VIPR1: variants seen among roughly 807,000 people sequenced by gnomAD.
The protein encoded by VIPR1 is vasoactive intestinal polypeptide receptor 1.
In VIPR1, 59 loss-of-function variants were observed where a neutral mutation model predicts 58.8. The ratio of observed to expected loss-of-function variants is 1.00; its 90% CI spans 0.81 to 1.25. The LOEUF (loss-of-function observed/expected upper bound fraction) is 1.25, where lower values mean the gene tolerates loss of function less well. Among genes scored for constraint, VIPR1 ranks in the 50% most tolerant of loss-of-function variants. The pLI, the probability that VIPR1 is intolerant of heterozygous loss-of-function variation, is 0.00. For missense variants in VIPR1, 626 were observed against 602.7 expected, an observed-to-expected ratio of 1.04 and a Z score of -0.40; for synonymous variants, 251 against 242.1, an observed-to-expected ratio of 1.04 and a Z score of -0.34.
At chr3:42,514,481 C>T (rs2267534) in intron 2 of VIPR1, among the ~76,000 whole-genome samples, 26,608 of 151,280 alleles carry the variant, frequency 0.18, 2,832 homozygotes, top group East Asian at 0.35. Context: ...AACTGAGGCC[C>T]ACTCCTCCCT....
intron 1 of VIPR1, among the ~76,000 whole-genome samples, chr3:42,494,503 A>G (rs1699723757): frequency 6.6e-6 from 1 of 152,204 alleles, no homozygotes; most frequent in African/African-American, 2.4e-5. Context: ...TCTCTAGAAA[A>G]GCACCCATTT....
At chr3:42,533,432 G>GC (rs1379905705) in intron 10 of VIPR1, 2 of 138,674 alleles carry the variant, frequency 1.4e-5, no homozygotes. Context: ...GGGGGGGACG[G>GC]GGGGGGCATC....
intron 10 of VIPR1, 165 bp downstream of exon 10, chr3:42,532,498 C>T (rs1701625793): frequency 1.4e-6 from 1 of 711,740 alleles, no homozygotes. Flanking sequence ...CCACCATCCC[C>T]TGCTCCAGCC....
At chr3:42,510,189 C>T (rs140873333) in intron 1 of VIPR1, among the ~76,000 whole-genome samples, 313 of 152,344 alleles carry the variant, frequency 2.1e-3, no homozygotes, top group African/African-American at 6.8e-3. Flanking sequence ...TTCATGCCTC[C>T]ATGCCTGTGC....
intron 1 of VIPR1, among the ~76,000 whole-genome samples, chr3:42,491,961 T>G (rs1241172631): frequency 6.6e-6 from 1 of 152,134 alleles, no homozygotes; most frequent in Non-Finnish European, 1.5e-5. Flanking sequence ...AGGAAGCAAT[T>G]GTGGTGAACA....
chr3:42,506,092 C>T lies in VIPR1; in HGVS notation c.78+3279C>T, dbSNP rs547324046. 8.5e-5 allele frequency among the ~76,000 whole-genome samples: 13 copies of T among 152,336 alleles called. No individual in the cohort carries two copies. In the East Asian group the frequency reaches 1.9e-3, roughly 23 times the overall value. On this transcript the variant is annotated intron_variant, in intron 1 of 12. Coordinates refer to ENST00000325123, the MANE Select transcript of VIPR1 (RefSeq NM_004624.4). The stretch of plus-strand genomic sequence containing the variant: ...AAACTTATACAGCTATTTCTGGCCC[C>T]CATCTTCCCACAGGTTCCCAGGGCA...
In VIPR1 at chr3:42,535,398, A is replaced by T. The variant is rs753641318; in HGVS notation, c.1182+14A>T. ...CTCAATGGTGAGGTAAGCCCCTCCC[A>T]GTCCTTGGGGCTTAGGCAATGGAAC... On this transcript the variant is annotated intron_variant, in intron 12 of 12. Transcript: ENST00000325123. 1.2e-6 allele frequency: 2 copies of T among 1,613,792 alleles called. No individual in the cohort carries two copies. Among genetic ancestry groups the T allele is most frequent in the South Asian group, 2.2e-5 (2 of 91,072 alleles).
chr3:42,532,084 T>A, intron 9 of VIPR1, 158 bp from the exon 10 acceptor site: 4 of 905,142 alleles, frequency 4.4e-6, no homozygotes, highest in Non-Finnish European at 6.9e-6. Flanking sequence ...GGAGGTAGAG[T>A]TCCCGGATGA....
intron 6 of VIPR1, 26 bp from the exon 7 acceptor site, chr3:42,530,753 C>A (rs369288581): frequency 5.8e-5 from 94 of 1,611,286 alleles, no homozygotes; most frequent in Middle Eastern, 4.9e-4. Flanking sequence ...CCCCAGTGAA[C>A]CCCGTCTTTT....
In VIPR1 at chr3:42,510,914, G is replaced by T. The variant is rs570089378; in HGVS notation, c.79-2835G>T. Among the ~76,000 whole-genome samples the T allele has an allele frequency of 1.2e-4, 18 of 152,164 alleles. No homozygotes were observed. The South Asian group carries it at 3.7e-3, about 32-fold the overall frequency. ...CCTCAGAGAGTCGCAAGCAGAAGCT[G>T]CCAGAAATCCTAGGCGCCCATGGTG... On this transcript the variant is annotated intron_variant, in intron 1 of 12. Coordinates refer to ENST00000325123, the MANE Select transcript of VIPR1 (RefSeq NM_004624.4).
Position 42,536,404 on chromosome 3 carries a change from C to T in VIPR1, c.*123C>T, listed in dbSNP as rs1701852303. The T allele has an allele frequency of 9.1e-7, 1 of 1,098,244 alleles. No homozygotes were observed. Among genetic ancestry groups the T allele is most frequent in the South Asian group, 1.7e-5 (1 of 57,994 alleles). The allele number at this position is 1,098,244 out of a possible 1,614,324, so 68.0% of individuals were successfully genotyped here. A position where few individuals can be genotyped will look rare whatever the true frequency, so the allele number is the denominator to read the frequency against. ...CCGGCCCTGGGCTCGGAGGCTGCCC[C>T]CGGCCCCCTGGTCTCTGGTCCGGAC... On this transcript the variant is annotated 3_prime_UTR_variant, in exon 13 of 13. Transcript: ENST00000325123.
At chr3:42,504,069 A>T (rs894960144) in intron 1 of VIPR1, among the ~76,000 whole-genome samples, 2 of 151,922 alleles carry the variant, frequency 1.3e-5, no homozygotes, top group African/African-American at 4.8e-5. Context: ...CATGAGACCC[A>T]CCTCCTGAGC....
Position 42,513,953 on chromosome 3 carries a change from A to T in VIPR1, c.184+99A>T. The stretch of plus-strand genomic sequence containing the variant: ...TCCAAGTCACGTTCGTTCCACATTT[A>T]TTGGATGATGGTGAGGAGCGGCTGG... On this transcript the variant is annotated intron_variant, in intron 2 of 12. Coordinates refer to ENST00000325123, the MANE Select transcript of VIPR1 (RefSeq NM_004624.4). 6.0e-6 allele frequency: 8 copies of T among 1,338,570 alleles called. No individual in the cohort carries two copies. The South Asian group carries it at 9.6e-5, about 16-fold the overall frequency. The allele number at this position is 1,338,570 out of a possible 1,614,324, so 82.9% of individuals were successfully genotyped here. A position where few individuals can be genotyped will look rare whatever the true frequency, so the allele number is the denominator to read the frequency against.
upstream of VIPR1, among the ~76,000 whole-genome samples, chr3:42,500,790 C>G (rs874531): frequency 4.1e-3 from 624 of 152,304 alleles, no homozygotes; most frequent in Admixed American, 7.0e-3. Flanking sequence ...TTCAAACACT[C>G]CCGCCATTGG....
intron 6 of VIPR1, among the ~76,000 whole-genome samples, chr3:42,529,016 G>A (rs972211248): frequency 2.0e-5 from 3 of 152,164 alleles, no homozygotes; most frequent in East Asian, 1.9e-4. Flanking sequence ...AGTCAGACAT[G>A]AGCATTGTGA....
At chr3:42,516,733 A>T (rs1240022358) in intron 2 of VIPR1, 3 of 152,298 alleles carry the variant, frequency 2.0e-5, no homozygotes, top group Non-Finnish European at 4.4e-5. Flanking sequence ...TCCCAGAGAA[A>T]TGACAGGCCT....
intron 1 of VIPR1, among the ~76,000 whole-genome samples, chr3:42,503,662 CA>C (rs1699981040): frequency 6.6e-6 from 1 of 152,170 alleles, no homozygotes; most frequent in South Asian, 2.1e-4. Flanking sequence ...CACTCTAGAA[CA>C]GGGGAGACCT....
rs528498512 is a variant in VIPR1, at chr3:42,496,900, T to G, written c.-245+7222T>G. 2.0e-5 allele frequency among the ~76,000 whole-genome samples: 3 copies of G among 152,320 alleles called. No individual in the cohort carries two copies. In the East Asian group the frequency reaches 5.8e-4, roughly 29 times the overall value. On this transcript the variant is annotated intron_variant, in intron 1 of 13. Transcript: ENST00000433647. ...AACAAACAATCTTTTATTGGATACA[T>G]GGAGTTTTCTTAGTTTCATTTTTCT... is the stretch of plus-strand genomic sequence containing the variant.
chr3:42,493,950 A>T (rs901873542), intron 1 of VIPR1, among the ~76,000 whole-genome samples: 1 of 151,616 alleles, frequency 6.6e-6, no homozygotes, highest in Non-Finnish European at 1.5e-5. Flanking sequence ...TCCAGTCTCA[A>T]CTCCCACCTG....
Sources: allele counts gnomAD v4.1 joint callset (sites outside exome capture counted in the v4.1 genomes callset), GRCh38; gene constraint gnomAD v4.1.1; transcripts MANE v1.5; gene names NCBI Gene and HGNC (gene_info 2026-07-23, HGNC 2026-07-21).